Variants in ZNF532 observed in about 807,000 individuals in gnomAD.
The protein encoded by ZNF532 is zinc finger protein 532.
ZNF532 carries 22 observed loss-of-function variants against 89.3 expected under a neutral mutation model. That is an observed-to-expected ratio of 0.25 (90% confidence interval 0.18 to 0.35). The LOEUF (loss-of-function observed/expected upper bound fraction) is 0.35, where lower values mean the gene tolerates loss of function less well. Ranked by LOEUF, ZNF532 falls within the 10% of genes least tolerant of loss-of-function variation. The probability of loss-of-function intolerance (pLI) is 1.00; values close to 1 mark genes in which losing one functional copy is unlikely to be tolerated. For missense variants in ZNF532, 1,132 were observed against 1,643.4 expected, an observed-to-expected ratio of 0.69 and a Z score of 5.38; for synonymous variants, 606 against 649.6, an observed-to-expected ratio of 0.93 and a Z score of 1.02.
intron 7 of ZNF532, among the ~76,000 whole-genome samples, chr18:58,964,796 G>C (rs182384153): frequency 2.0e-5 from 3 of 151,852 alleles, no homozygotes; most frequent in Admixed American, 2.0e-4. Flanking sequence ...TCGGGGTAGA[G>C]GGAGTTGTCT....
chr18:58,915,749 T>G (rs1434548413), intron 2 of ZNF532, among the ~76,000 whole-genome samples: 1 of 152,170 alleles, frequency 6.6e-6, no homozygotes, highest in African/African-American at 2.4e-5. Flanking sequence ...TGCCGACCAC[T>G]CAAGTTTGGT....
chr18:58,884,423 A>T (rs1446315438), intron 2 of ZNF532, among the ~76,000 whole-genome samples: 3 of 152,240 alleles, frequency 2.0e-5, no homozygotes, highest in Admixed American at 1.3e-4. Context: ...AGAAGCAGCG[A>T]CTATTGCTGA....
At chr18:58,907,156 T>G (rs1444957273) in intron 2 of ZNF532, among the ~76,000 whole-genome samples, 2 of 152,132 alleles carry the variant, frequency 1.3e-5, no homozygotes, top group Non-Finnish European at 2.9e-5. Flanking sequence ...ATATGACCAT[T>G]AAGGCTGCTG....
At chr18:58,924,937 G>A (rs907089683) in intron 3 of ZNF532, among the ~76,000 whole-genome samples, 6 of 152,056 alleles carry the variant, frequency 3.9e-5, no homozygotes, top group South Asian at 2.1e-4. Context: ...TGGTTGTTGC[G>A]TATATCAATA....
At chr18:58,929,090 A>G (rs988755215) in intron 3 of ZNF532, among the ~76,000 whole-genome samples, 2 of 152,234 alleles carry the variant, frequency 1.3e-5, no homozygotes, top group East Asian at 1.9e-4. Context: ...AATTGAAAAA[A>G]CAAATGCCCA....
chr18:58,907,517 G>A (rs1321742147), intron 2 of ZNF532, among the ~76,000 whole-genome samples: 1 of 150,634 alleles, frequency 6.6e-6, no homozygotes, highest in Non-Finnish European at 1.5e-5. Context: ...TTTTTGAGAT[G>A]GAGTTTCACT....
chr18:58,903,348 A>T (rs2059723192), intron 2 of ZNF532, among the ~76,000 whole-genome samples: 1 of 152,220 alleles, frequency 6.6e-6, no homozygotes, highest in Non-Finnish European at 1.5e-5. Context: ...GGCAGATTGT[A>T]TTGGGAATTT....
At chr18:58,940,923 TACACACACACACACACAC>T (rs200614911) in intron 5 of ZNF532, among the ~76,000 whole-genome samples, 6 of 118,594 alleles carry the variant, frequency 5.1e-5, no homozygotes, top group African/African-American at 2.0e-4. Flanking sequence ...TGCCATATTT[TACACACACACACACACAC>T]ACACACACAC....
chr18:58,929,169 G>A (rs1010165661), intron 3 of ZNF532, among the ~76,000 whole-genome samples: 1 of 152,178 alleles, frequency 6.6e-6, no homozygotes, highest in African/African-American at 2.4e-5. Context: ...GCTTCTCTAA[G>A]ATGTTGAAGC....
chr18:58,888,868 A>ATATAAT (rs1301154103), intron 2 of ZNF532, among the ~76,000 whole-genome samples: 1 of 42,238 alleles, frequency 2.4e-5, no homozygotes, highest in African/African-American at 1.2e-4. Context: ...ATATATATAT[A>ATATAAT]ATATATATTA....
At chr18:58,888,766 A>G (rs1440017947) in intron 2 of ZNF532, among the ~76,000 whole-genome samples, 3 of 68,948 alleles carry the variant, frequency 4.4e-5, no homozygotes, top group African/African-American at 7.9e-5. Flanking sequence ...AAATTAATAT[A>G]TATAATTTAT....
At chr18:58,894,115 C>T (rs536955655) in intron 2 of ZNF532, among the ~76,000 whole-genome samples, 33 of 152,292 alleles carry the variant, frequency 2.2e-4, no homozygotes, top group African/African-American at 7.7e-4. Flanking sequence ...GTCTTACATT[C>T]TTCAGAGCAT....
chr18:58,898,046 G>A (rs1382914248), intron 2 of ZNF532, among the ~76,000 whole-genome samples: 2 of 152,178 alleles, frequency 1.3e-5, no homozygotes, highest in African/African-American at 4.8e-5. Context: ...AGTAATACAT[G>A]TACATAGATC....
At chr18:58,928,144 C>T (rs891162760) in intron 3 of ZNF532, among the ~76,000 whole-genome samples, 2 of 152,130 alleles carry the variant, frequency 1.3e-5, no homozygotes, top group Middle Eastern at 6.8e-3. Context: ...CTCAGTTTCC[C>T]CAGGGTGCTT....
At chr18:58,874,439 G>A (rs1031159036) in intron 2 of ZNF532, among the ~76,000 whole-genome samples, 7 of 152,188 alleles carry the variant, frequency 4.6e-5, no homozygotes, top group Non-Finnish European at 8.8e-5. Context: ...CTGCCTCCCA[G>A]GTTCAAGCGA....
Position 58,982,592 on chromosome 18 carries a change from A to T in ZNF532, c.3411+975A>T, listed in dbSNP as rs188552629. ...TGCCAAGATCACGCCACTGCACTTT[A>T]GTCTAGGCAATAGAACGAGACTCTG... On this transcript the variant is annotated intron_variant, in intron 9 of 9. Transcript: ENST00000591808. Among the ~76,000 whole-genome samples the T allele has an allele frequency of 1.5e-4, 23 of 152,190 alleles. No individual in the cohort carries two copies. The East Asian group carries it at 3.1e-3, about 20-fold the overall frequency.
intron 2 of ZNF532, among the ~76,000 whole-genome samples, chr18:58,876,445 C>T (rs1159043182): frequency 6.6e-6 from 1 of 152,182 alleles, no homozygotes; most frequent in East Asian, 1.9e-4. Flanking sequence ...CCTTCCCTGA[C>T]ACCACAGGGA....
intron 8 of ZNF532, 65 bp from the exon 9 acceptor site, chr18:58,981,405 T>G: frequency 1.7e-4 from 268 of 1,568,842 alleles, no homozygotes; most frequent in Middle Eastern, 2.4e-4. Context: ...CCTTCGACCG[T>G]GAGTTCTTCC....
chr18:58,895,368 G>A (rs768761292), intron 2 of ZNF532, among the ~76,000 whole-genome samples: 3 of 152,228 alleles, frequency 2.0e-5, no homozygotes, highest in African/African-American at 4.8e-5. Flanking sequence ...GATTTGATAA[G>A]TATTTTATGC....
Sources: gnomAD v4.1 joint callset for allele counts (sites outside exome capture counted in the v4.1 genomes callset) on GRCh38, gnomAD v4.1.1 for gene constraint, MANE v1.5 for transcripts, NCBI Gene and HGNC (gene_info 2026-07-23, HGNC 2026-07-21) for gene names.